ZNF462: variants seen among roughly 807,000 people sequenced by gnomAD.
ZNF462 encodes the protein zinc finger protein 462.
A neutral mutation model predicts 201.9 loss-of-function variants in ZNF462; 10 were observed. The observed-to-expected ratio is 0.05, with a 90% CI of 0.03 to 0.08. The LOEUF (loss-of-function observed/expected upper bound fraction) is 0.08. Among genes scored for constraint, ZNF462 ranks in the 10% least tolerant of loss-of-function variants. The pLI is 1.00. For synonymous variants in ZNF462, 1,227 were observed against 1,193.3 expected, an observed-to-expected ratio of 1.03 and a Z score of -0.58; for missense variants, 2,523 against 3,168.3, an observed-to-expected ratio of 0.80 and a Z score of 4.89.
At chr9:106,953,462 C>T (rs1162442407) in intron 7 of ZNF462, among the ~76,000 whole-genome samples, 2 of 152,096 alleles carry the variant, frequency 1.3e-5, no homozygotes, top group African/African-American at 4.8e-5. Context: ...CTTTTTTTGT[C>T]TGTGGCATTT....
intron 7 of ZNF462, 128 bp from the exon 8 acceptor site, chr9:106,971,877 A>G (rs981212932): frequency 8.5e-6 from 10 of 1,182,104 alleles, no homozygotes; most frequent in Admixed American, 7.1e-5. Flanking sequence ...AGTATAAACA[A>G]TTTCCGTTTG....
Position 106,926,972 on chromosome 9 carries a change from G to A in ZNF462, c.3060G>A (p.Lys1020=). 2 of 1,614,152 alleles carry A rather than the reference G, an allele frequency of 1.2e-6. No individual in the cohort carries two copies. Among genetic ancestry groups the A allele is most frequent in the African/African-American group, 1.3e-5 (1 of 75,034 alleles). Residue 1020 remains lysine, a synonymous_variant, in exon 3 of 13, where the codon AAG becomes AAA. Transcript: ENST00000277225. This position sits in a 1 kb window ranked among gnomAD's most constrained non-coding sequence, Gnocchi z 7.9. ...KTFTPECENQ[K]DPLVNTVVVY... The stretch of plus-strand genomic sequence containing the variant: ...TTACTCCTGAATGTGAAAATCAGAA[G>A]GACCCTTTGGTCAACACTGTTGTTG...
In ZNF462 at chr9:106,984,476, A is replaced by G. The variant is rs1200798924; in HGVS notation, c.7056+67A>G. On this transcript the variant is annotated intron_variant, in intron 10 of 12. Coordinates refer to ENST00000277225, the MANE Select transcript of ZNF462 (RefSeq NM_021224.6). This position sits in a 1 kb window ranked among gnomAD's most constrained non-coding sequence, Gnocchi z 6.4. ...GGGGAGGGGCCAAGGGGGAGACACC[A>G]CTGCATTTAGTCACGACCACTGTGT... is the stretch of plus-strand genomic sequence containing the variant. 1 of 1,304,788 alleles carries G rather than the reference A, an allele frequency of 7.7e-7. No individual in the cohort carries two copies. Among genetic ancestry groups the G allele is most frequent in the East Asian group, 2.3e-5 (1 of 43,152 alleles). 80.8% of individuals were successfully genotyped at this position (1,304,788 alleles called of 1,614,324 possible).
At chr9:106,990,495 T>C (rs1828184053) in intron 10 of ZNF462, among the ~76,000 whole-genome samples, 1 of 152,116 alleles carries the variant, frequency 6.6e-6, no homozygotes, top group Admixed American at 6.6e-5. Context: ...CTTGATGACC[T>C]GTCTAGTGCT....
At chr9:106,980,022 A>C (rs893766117) in intron 9 of ZNF462, among the ~76,000 whole-genome samples, 9 of 152,168 alleles carry the variant, frequency 5.9e-5, no homozygotes, top group Admixed American at 1.3e-4. Context: ...ATTTTTCTTG[A>C]GAATAAAGTC....
chr9:106,874,692 T>C (rs1827750419), intron 1 of ZNF462, among the ~76,000 whole-genome samples: 1 of 152,220 alleles, frequency 6.6e-6, no homozygotes, highest in African/African-American at 2.4e-5. Flanking sequence ...CTTCCACTTG[T>C]GTGGAAGTTT....
intron 1 of ZNF462, among the ~76,000 whole-genome samples, chr9:106,918,791 T>G (rs1829879703): frequency 6.6e-6 from 1 of 152,226 alleles, no homozygotes; most frequent in Non-Finnish European, 1.5e-5. Context: ...CTAGCTGAAC[T>G]ATTCCAGAAT....
Position 106,974,514 on chromosome 9 carries a change from G to T in ZNF462, c.6832+241G>T, listed in dbSNP as rs776584461. 1 of 572,062 alleles carries T rather than the reference G, an allele frequency of 1.7e-6. No homozygotes were observed. The highest frequency in any genetic ancestry group is 3.2e-5 in the East Asian group (1 of 31,422). 35.4% of individuals were successfully genotyped at this position (572,062 alleles called of 1,614,324 possible). ...GATGGATTCTGCAGTGAACATTTCC[G>T]TAGGGCTTCCCAGCATGGGGGATTT... On this transcript the variant is annotated intron_variant, in intron 9 of 12. Coordinates refer to ENST00000277225, the MANE Select transcript of ZNF462 (RefSeq NM_021224.6). The surrounding 1 kb of genome is among the most constrained non-coding windows in gnomAD (Gnocchi z 4.0).
intron 10 of ZNF462, among the ~76,000 whole-genome samples, chr9:106,999,828 G>A (rs1480622334): frequency 6.6e-6 from 1 of 152,146 alleles, no homozygotes; most frequent in Non-Finnish European, 1.5e-5. Flanking sequence ...CCAGTAGCCA[G>A]GAGGCGAGAA....
intron 7 of ZNF462, among the ~76,000 whole-genome samples, chr9:106,965,780 C>G (rs577155488): frequency 3.7e-4 from 57 of 152,172 alleles, no homozygotes; most frequent in African/African-American, 1.3e-3. Context: ...CATTAGGTTT[C>G]CCATTGCAGA....
At chr9:106,951,055 A>G (rs773170894) in intron 7 of ZNF462, among the ~76,000 whole-genome samples, 14 of 151,766 alleles carry the variant, frequency 9.2e-5, no homozygotes, top group Non-Finnish European at 1.9e-4. Flanking sequence ...ACACCACTGC[A>G]CTCCAGCCTG....
At chr9:106,907,050 T>C (rs1312037709) in intron 1 of ZNF462, among the ~76,000 whole-genome samples, 1 of 152,182 alleles carries the variant, frequency 6.6e-6, no homozygotes, top group Non-Finnish European at 1.5e-5. Context: ...GCCTCTTTGG[T>C]ACTGATAAAA....
chr9:107,009,761 C>T lies in ZNF462; in HGVS notation c.7313+93C>T, dbSNP rs1829814484. 1 of 1,548,418 alleles carries T rather than the reference C, an allele frequency of 6.5e-7. No homozygotes were observed. Among genetic ancestry groups the T allele is most frequent in the Admixed American group, 1.8e-5 (1 of 56,052 alleles). The stretch of plus-strand genomic sequence containing the variant: ...GTTTTGGTTCCCCTGACAGTATGTA[C>T]ACCCCTCTGTGTCACATTTCTGGGC... On this transcript the variant is annotated intron_variant, in intron 12 of 12. Transcript: ENST00000277225. The surrounding 1 kb of genome is among the most constrained non-coding windows in gnomAD (Gnocchi z 6.1).
chr9:106,879,438 T>G (rs567903003), intron 1 of ZNF462, among the ~76,000 whole-genome samples: 1 of 150,504 alleles, frequency 6.6e-6, no homozygotes, highest in Admixed American at 6.7e-5. Context: ...TTCAGCTGAT[T>G]TTTCTGCCTC....
rs1828515736 is a variant in ZNF462, at chr9:106,890,236, C to T, written c.-31+26881C>T. 6.6e-6 allele frequency among the ~76,000 whole-genome samples: 1 copy of T among 152,160 alleles called. No individual in the cohort carries two copies. ...TGGCCTTGACTGAGCTGTGTATGGCCTCACTCTTCAATTCTGTTGTCAGCC... is the reference window on the plus strand; with the variant it reads ...TGGCCTTGACTGAGCTGTGTATGGCTTCACTCTTCAATTCTGTTGTCAGCC... On this transcript the variant is annotated intron_variant, in intron 1 of 12. Coordinates refer to ENST00000277225, the MANE Select transcript of ZNF462 (RefSeq NM_021224.6). The surrounding 1 kb of genome is among the most constrained non-coding windows in gnomAD (Gnocchi z 4.2).
chr9:106,890,802 A>G lies in ZNF462; in HGVS notation c.-31+27447A>G, dbSNP rs562725623. ...AGTGCATAGTAGACTATGTTGTTCA[A>G]TTATCATGAGATTACCACATACTCT... On this transcript the variant is annotated intron_variant, in intron 1 of 12. Transcript: ENST00000277225. The surrounding 1 kb of genome is among the most constrained non-coding windows in gnomAD (Gnocchi z 4.2). Among the ~76,000 whole-genome samples, 7 of 152,270 alleles carry G rather than the reference A, an allele frequency of 4.6e-5. No homozygotes were observed. The highest frequency in any genetic ancestry group is 3.3e-4 in the Admixed American group (5 of 15,300).
chr9:106,995,786 T>G (rs1179602077), intron 10 of ZNF462: 1 of 152,176 alleles, frequency 6.6e-6, no homozygotes, highest in Non-Finnish European at 1.5e-5. Flanking sequence ...ACAAGCAACT[T>G]TATTTCATGG....
chr9:106,900,481 G>A (rs1829019514), intron 1 of ZNF462, among the ~76,000 whole-genome samples: 1 of 152,094 alleles, frequency 6.6e-6, no homozygotes, highest in Admixed American at 6.6e-5. Flanking sequence ...TTTCCACAGT[G>A]GTTGTACTAG....
chr9:106,967,394 C>T (rs553648276), intron 7 of ZNF462, among the ~76,000 whole-genome samples: 1 of 151,852 alleles, frequency 6.6e-6, no homozygotes, highest in African/African-American at 2.4e-5. Context: ...TGTCGTTTGC[C>T]TTTATAAAGT....
Sources: allele counts gnomAD v4.1 joint callset (sites outside exome capture counted in the v4.1 genomes callset), GRCh38; gene constraint gnomAD v4.1.1; non-coding constraint Gnocchi (gnomAD v3.1); transcripts MANE v1.5; gene names NCBI Gene and HGNC (gene_info 2026-07-23, HGNC 2026-07-21).